MLLT3: variants seen among roughly 807,000 people sequenced by gnomAD.
The protein encoded by MLLT3 is protein AF-9.
A neutral mutation model predicts 53.2 loss-of-function variants in MLLT3; 4 were observed. The ratio of observed to expected loss-of-function variants is 0.08; its 90% CI spans 0.04 to 0.17. MLLT3 has a LOEUF of 0.17. Among genes scored for constraint, MLLT3 ranks in the 10% least tolerant of loss-of-function variants. MLLT3 has a pLI of 1.00. For synonymous variants in MLLT3, 283 were observed against 230.6 expected (o/e 1.23, Z -2.06); for missense variants, 569 against 684.0 (o/e 0.83, Z 1.87).
At chr9:20,396,685 G>A (rs1488154203) in intron 5 of MLLT3, among the ~76,000 whole-genome samples, 2 of 152,112 alleles carry the variant, frequency 1.3e-5, no homozygotes, top group African/African-American at 4.8e-5. Flanking sequence ...AAATGTTGGT[G>A]GGCGTAGATG....
intron 2 of MLLT3, among the ~76,000 whole-genome samples, chr9:20,512,045 C>A (rs768925378): frequency 6.6e-6 from 1 of 152,194 alleles, no homozygotes; most frequent in Admixed American, 6.5e-5. Flanking sequence ...GCCCCCAAGT[C>A]TGAGCTGAAG....
chr9:20,345,864 C>T lies in MLLT3; in HGVS notation c.*579G>A, dbSNP rs147715669. The T allele has an allele frequency of 6.4e-4, 146 of 227,964 alleles. No individual in the cohort carries two copies. Among genetic ancestry groups the T allele is most frequent in the African/African-American group, 2.8e-3 (127 of 45,106 alleles). 14.1% of individuals were successfully genotyped at this position (227,964 alleles called of 1,614,324 possible). ...AAAAGGTGGAAAATACAGACTGCAA[C>T]GAGTTAAAGGACTTGGAAAAAGTTG... On this transcript the variant is annotated 3_prime_UTR_variant, in exon 11 of 11. Coordinates refer to ENST00000380338, the MANE Select transcript of MLLT3 (RefSeq NM_004529.4).
chr9:20,407,956 G>C (rs1185881052), intron 5 of MLLT3, among the ~76,000 whole-genome samples: 1 of 152,158 alleles, frequency 6.6e-6, no homozygotes, highest in African/African-American at 2.4e-5. Flanking sequence ...TATGTCTAAA[G>C]ATGACAAATG....
intron 2 of MLLT3, among the ~76,000 whole-genome samples, chr9:20,530,638 T>TAA (rs1818308217): frequency 6.6e-6 from 1 of 152,236 alleles, no homozygotes; most frequent in Non-Finnish European, 1.5e-5. Flanking sequence ...AAACAGGTGT[T>TAA]CAGTAAACCA....
At position 20,414,108 on chromosome 9, in the gene MLLT3, T is replaced by C. The variant is rs201978462; in HGVS notation, c.738A>G (p.Lys246=). 4.3e-6 allele frequency: 7 copies of C among 1,613,570 alleles called. No individual in the cohort carries two copies. The highest frequency in any genetic ancestry group is 5.1e-6 in the Non-Finnish European group (6 of 1,179,934). ...PKENKPLKEE[K]IVPKMAFKEP... is the part of the protein sequence containing the mutation. ...CCTTGAAGGCCATCTTAGGAACTAT[T>C]TTCTCTTCTTTCAGTGGTTTATTTT... The change falls in exon 5 of 11, where the codon AAA becomes AAG. Residue 246 remains lysine, a synonymous_variant. Coordinates refer to ENST00000380338, the MANE Select transcript of MLLT3 (RefSeq NM_004529.4).
intron 5 of MLLT3, chr9:20,412,047 T>C (rs914585052): frequency 6.6e-6 from 1 of 152,212 alleles, no homozygotes; most frequent in Admixed American, 6.5e-5. Context: ...ACGTTAAATT[T>C]ATTTCACAGC....
At chr9:20,360,221 G>A (rs893130096) in intron 8 of MLLT3, among the ~76,000 whole-genome samples, 1 of 152,160 alleles carries the variant, frequency 6.6e-6, no homozygotes, top group African/African-American at 2.4e-5. Flanking sequence ...CATCAACTGA[G>A]TGCCAAGGAG....
chr9:20,621,798 G>C lies in MLLT3; in HGVS notation c.12+447C>G. The C allele has an allele frequency of 1.4e-6, 2 of 1,457,580 alleles. No individual in the cohort carries two copies. The highest frequency in any genetic ancestry group is 1.8e-6 in the Non-Finnish European group (2 of 1,115,314). 90.3% of individuals were successfully genotyped at this position (1,457,580 alleles called of 1,614,324 possible). On this transcript the variant is annotated intron_variant, in intron 1 of 10. Coordinates refer to ENST00000380338, the MANE Select transcript of MLLT3 (RefSeq NM_004529.4). The surrounding 1 kb of genome is among the most constrained non-coding windows in gnomAD (Gnocchi z 7.0). ...CATCGTAGCGGCCGCGGCGCTTTGC[G>C]GAGGTGCGGCCGCCGAGGCTGCTCG...
At chr9:20,432,192 T>A (rs1439057054) in intron 4 of MLLT3, among the ~76,000 whole-genome samples, 1 of 152,228 alleles carries the variant, frequency 6.6e-6, no homozygotes, top group East Asian at 1.9e-4. Flanking sequence ...GTGTCTCATT[T>A]AATCTTCTTA....
At position 20,448,064 on chromosome 9, in the gene MLLT3, T is replaced by G. The variant is rs540097626; in HGVS notation, c.420+59A>C. Reference sequence around the variant, plus strand: ...ACATGAGGAACTAGTTTGTTTGTTTTTTTTTTTGTTGTTGTTGTTTTTTAA... The same window carrying G: ...ACATGAGGAACTAGTTTGTTTGTTTGTTTTTTTGTTGTTGTTGTTTTTTAA... On this transcript the variant is annotated intron_variant, in intron 4 of 10. Transcript: ENST00000380338. The surrounding 1 kb of genome is among the most constrained non-coding windows in gnomAD (Gnocchi z 4.0). 3.3e-4 allele frequency: 509 copies of G among 1,556,062 alleles called. 2 individuals are homozygous for G. The highest frequency in any genetic ancestry group is 3.9e-4 in the Non-Finnish European group (448 of 1,152,232).
At chr9:20,394,779 G>A (rs79445072) in intron 5 of MLLT3, among the ~76,000 whole-genome samples, 2,009 of 152,228 alleles carry the variant, frequency 0.013, 43 homozygotes, top group African/African-American at 0.045. Flanking sequence ...ATAAAATGCT[G>A]GAGAAACAGT....
intron 2 of MLLT3, among the ~76,000 whole-genome samples, chr9:20,482,531 T>C (rs189295361): frequency 1.3e-5 from 2 of 152,322 alleles, no homozygotes; most frequent in East Asian, 3.9e-4. Context: ...TCAATTAAGA[T>C]CTTTAAACTA....
Position 20,622,457 on chromosome 9 carries a change from A to AAGCAGC in MLLT3, c.-207_-202dup, listed in dbSNP as rs553374979. The AAGCAGC allele has an allele frequency of 4.9e-5, 26 of 534,546 alleles. No individual in the cohort carries two copies. Among genetic ancestry groups the AAGCAGC allele is most frequent in the Admixed American group, 7.1e-5 (2 of 27,984 alleles). 33.1% of individuals were successfully genotyped at this position (534,546 alleles called of 1,614,324 possible). A position where few individuals can be genotyped will look rare whatever the true frequency, so the allele number is the denominator to read the frequency against. ...TTATTAAACTCAGCCCCAAAAGCAA[A>AAGCAGC]AGCAGCAGCAGCAGCAGCAGCTCCA... is the stretch of plus-strand genomic sequence containing the variant. On this transcript the variant is annotated 5_prime_UTR_variant, in exon 1 of 11. Transcript: ENST00000380338.
At chr9:20,449,402 T>C (rs1195840802) in intron 3 of MLLT3, among the ~76,000 whole-genome samples, 2 of 152,190 alleles carry the variant, frequency 1.3e-5, no homozygotes, top group African/African-American at 4.8e-5. Flanking sequence ...GATACCCAGG[T>C]TCAACTCTCA....
chr9:20,564,641 C>A (rs1486164811), intron 2 of MLLT3, among the ~76,000 whole-genome samples: 2 of 152,158 alleles, frequency 1.3e-5, no homozygotes, highest in Non-Finnish European at 2.9e-5. Context: ...AAACAACAAC[C>A]AACTATTTTC....
chr9:20,501,033 C>T (rs1825210192), intron 2 of MLLT3, among the ~76,000 whole-genome samples: 3 of 152,190 alleles, frequency 2.0e-5, no homozygotes, highest in African/African-American at 7.2e-5. Context: ...CACATGCACA[C>T]ACATGTGCAC....
At chr9:20,474,388 A>T (rs1824470057) in intron 2 of MLLT3, among the ~76,000 whole-genome samples, 1 of 152,118 alleles carries the variant, frequency 6.6e-6, no homozygotes. Context: ...TTACATTTTC[A>T]ATGACTAGCT....
At chr9:20,370,516 C>CT (rs112766052) in intron 5 of MLLT3, among the ~76,000 whole-genome samples, 6,084 of 146,380 alleles carry the variant, frequency 0.042, 384 homozygotes, top group African/African-American at 0.14. Flanking sequence ...AGCCACAAAT[C>CT]TTTTTTTTTT....
chr9:20,387,080 C>T (rs1448189007), intron 5 of MLLT3, among the ~76,000 whole-genome samples: 1 of 152,316 alleles, frequency 6.6e-6, no homozygotes, highest in Non-Finnish European at 1.5e-5. Context: ...TTTCTTACTT[C>T]GGATCCTCTA....
Sources: gnomAD v4.1 joint callset for allele counts (sites outside exome capture counted in the v4.1 genomes callset) on GRCh38, gnomAD v4.1.1 for gene constraint, Gnocchi (gnomAD v3.1) non-coding constraint, MANE v1.5 for transcripts, NCBI Gene and HGNC (gene_info 2026-07-23, HGNC 2026-07-21) for gene names.